The following ASTN2 variants were observed in gnomAD, a reference collection of about 807,000 sequenced individuals.
The protein encoded by ASTN2 is astrotactin 2, also known as astrotactin-2.
Under a neutral mutation model 139.8 loss-of-function variants are expected in ASTN2, and 54 were observed. The observed-to-expected ratio is 0.39, with a 90% CI of 0.31 to 0.48. The LOEUF (loss-of-function observed/expected upper bound fraction) is 0.48, where lower values mean the gene tolerates loss of function less well. Ranked by LOEUF, ASTN2 falls within the 20% of genes least tolerant of loss-of-function variation. The pLI is 0.95. For synonymous variants in ASTN2, 756 were observed against 719.5 expected (o/e 1.05, Z -0.81); for missense variants, 1,565 against 1,725.1 (o/e 0.91, Z 1.64).
chr9:116,854,864 G>C (rs1337166404), intron 11 of ASTN2, among the ~76,000 whole-genome samples: 1 of 151,888 alleles, frequency 6.6e-6, no homozygotes, highest in Non-Finnish European at 1.5e-5. Flanking sequence ...ATGTTGGCCA[G>C]GATGGTCTCG....
chr9:117,269,838 AT>A (rs1387271897), intron 2 of ASTN2, among the ~76,000 whole-genome samples: 2 of 152,086 alleles, frequency 1.3e-5, no homozygotes, highest in South Asian at 4.1e-4. Flanking sequence ...AAGGCCCATG[AT>A]TTTTTTCCTC....
chr9:116,864,308 G>A (rs999799740), intron 10 of ASTN2, among the ~76,000 whole-genome samples: 6 of 152,096 alleles, frequency 3.9e-5, no homozygotes, highest in African/African-American at 7.2e-5. Context: ...AGACACAAAC[G>A]CAGGAGTCTG....
rs1475252592 is a variant in ASTN2 at position 117,091,491 on chromosome 9, G to T, written c.1276+4553C>A. 3.9e-5 allele frequency among the ~76,000 whole-genome samples: 6 copies of T among 152,246 alleles called. No homozygotes were observed. In the South Asian group the frequency reaches 6.2e-4, roughly 16 times the overall value. On this transcript the variant is annotated intron_variant, in intron 5 of 22. Transcript: ENST00000313400. ...AAAGGGGGGTACAGCACAGCATCTG[G>T]TATAGAATGAGACAGGGAAATTAAC...
At chr9:117,099,026 G>A (rs1411679927) in intron 4 of ASTN2, among the ~76,000 whole-genome samples, 1 of 149,830 alleles carries the variant, frequency 6.7e-6, no homozygotes, top group Non-Finnish European at 1.5e-5. Context: ...AGAATTGCTT[G>A]AACCCAGGAG....
At position 116,467,382 on chromosome 9, in the gene ASTN2, T is replaced by C. The variant is rs1848681595; in HGVS notation, c.3497+19977A>G. The stretch of plus-strand genomic sequence containing the variant: ...CCCGGGTTCAAGCAATTCTCCTGCT[T>C]CAGCCTCCCAAGTAGCTGGGACTAC... On this transcript the variant is annotated intron_variant, in intron 20 of 22. Coordinates refer to ENST00000313400, the MANE Select transcript of ASTN2 (RefSeq NM_001365068.1). 3.3e-5 allele frequency among the ~76,000 whole-genome samples: 5 copies of C among 152,294 alleles called. No homozygotes were observed. In the South Asian group the frequency reaches 6.2e-4, roughly 19 times the overall value.
chr9:116,824,718 T>G (rs955732795), intron 11 of ASTN2, among the ~76,000 whole-genome samples: 6 of 152,252 alleles, frequency 3.9e-5, no homozygotes, highest in Non-Finnish European at 7.3e-5. Context: ...TGAGATAATT[T>G]GTTACACAGC....
At chr9:117,205,723 C>A (rs1306434401) in intron 3 of ASTN2, among the ~76,000 whole-genome samples, 2 of 152,144 alleles carry the variant, frequency 1.3e-5, no homozygotes, top group Admixed American at 1.3e-4. Context: ...AAAAATAAGG[C>A]TTTCTTTAGG....
At chr9:116,520,139 G>A (rs201664891) in intron 19 of ASTN2, among the ~76,000 whole-genome samples, 73 of 151,732 alleles carry the variant, frequency 4.8e-4, no homozygotes, top group Admixed American at 7.2e-4. Context: ...GGAATCCTCC[G>A]TAACATTCTA....
At chr9:116,613,212 T>G (rs931359609) in intron 19 of ASTN2, 1 of 152,130 alleles carries the variant, frequency 6.6e-6, no homozygotes, top group African/African-American at 2.4e-5. Context: ...AATAACAGGT[T>G]CTGAAATTGA....
At chr9:117,221,792 C>T (rs113185493) in intron 2 of ASTN2, among the ~76,000 whole-genome samples, 2 of 150,588 alleles carry the variant, frequency 1.3e-5, no homozygotes, top group African/African-American at 4.9e-5. Flanking sequence ...AGGCCCCAGT[C>T]TATGTTTAAG....
chr9:116,856,178 A>C (rs1832734743), intron 11 of ASTN2, among the ~76,000 whole-genome samples: 1 of 152,238 alleles, frequency 6.6e-6, no homozygotes, highest in Admixed American at 6.5e-5. Context: ...AAAATAGGGC[A>C]ACCATCAGTC....
intron 10 of ASTN2, among the ~76,000 whole-genome samples, chr9:116,959,074 G>C (rs1288485423): frequency 6.6e-6 from 1 of 152,130 alleles, no homozygotes; most frequent in African/African-American, 2.4e-5. Context: ...GATGGGGATC[G>C]GCAGATATAC....
At chr9:116,733,307 A>G (rs1828836973) in intron 14 of ASTN2, 92 bp downstream of exon 14, 1 of 1,522,150 alleles carries the variant, frequency 6.6e-7, no homozygotes, top group Non-Finnish European at 9.0e-7. Context: ...GACAGAGCCC[A>G]TCTTGGATCT....
At chr9:117,113,743 T>C (rs1829307269) in intron 4 of ASTN2, among the ~76,000 whole-genome samples, 1 of 152,154 alleles carries the variant, frequency 6.6e-6, no homozygotes, top group African/African-American at 2.4e-5. Flanking sequence ...TTATGCTGAA[T>C]GGAAGATGTC....
intron 11 of ASTN2, among the ~76,000 whole-genome samples, chr9:116,860,864 T>G (rs1366866636): frequency 6.6e-6 from 1 of 152,226 alleles, no homozygotes; most frequent in Non-Finnish European, 1.5e-5. Context: ...TAAGGAATTA[T>G]CATGTAATAC....
At chr9:116,749,320 C>T (rs1405822961) in intron 13 of ASTN2, among the ~76,000 whole-genome samples, 1 of 152,174 alleles carries the variant, frequency 6.6e-6, no homozygotes, top group African/African-American at 2.4e-5. Context: ...GGACCTGAAA[C>T]CCTTTTCTTC....
intron 13 of ASTN2, among the ~76,000 whole-genome samples, chr9:116,785,855 AC>A (rs1216330876): frequency 6.6e-6 from 1 of 152,038 alleles, no homozygotes; most frequent in Non-Finnish European, 1.5e-5. Context: ...CTGCCCACTA[AC>A]GTCTATTCTT....
chr9:117,239,724 C>T (rs543138934), intron 2 of ASTN2, among the ~76,000 whole-genome samples: 1 of 152,290 alleles, frequency 6.6e-6, no homozygotes, highest in Non-Finnish European at 1.5e-5. Context: ...AATCACAGAG[C>T]TCATAGGAGA....
intron 12 of ASTN2, among the ~76,000 whole-genome samples, chr9:116,819,826 T>C (rs1329016353): frequency 6.6e-6 from 1 of 152,234 alleles, no homozygotes; most frequent in Non-Finnish European, 1.5e-5. Context: ...AAATGCTATA[T>C]GCAAGGTGCT....
Sources: allele counts gnomAD v4.1 joint callset (sites outside exome capture counted in the v4.1 genomes callset), GRCh38; gene constraint gnomAD v4.1.1; transcripts MANE v1.5; gene names NCBI Gene and HGNC (gene_info 2026-07-23, HGNC 2026-07-21).